Variants in SLC16A2 observed in about 807,000 individuals in gnomAD.
The protein encoded by SLC16A2 is monocarboxylate transporter 8.
Under a neutral mutation model 27.2 loss-of-function variants are expected in SLC16A2, and 3 were observed. That is an observed-to-expected ratio of 0.11 (90% confidence interval 0.05 to 0.28). The LOEUF (loss-of-function observed/expected upper bound fraction) is 0.28. Among genes scored for constraint, SLC16A2 ranks in the 10% least tolerant of loss-of-function variants. The pLI is 1.00. For missense variants in SLC16A2, 295 were observed against 458.5 expected, an observed-to-expected ratio of 0.64 and a Z score of 3.26; for synonymous variants, 202 against 187.8, an observed-to-expected ratio of 1.08 and a Z score of -0.62.
rs191961455 is a variant in SLC16A2, at chrX:74,441,049, G to A, written c.430+18982G>A. Among the ~76,000 whole-genome samples the A allele has an allele frequency of 5.2e-3, 517 of 99,485 alleles. 2 individuals are homozygous for A. The highest frequency in any genetic ancestry group is 0.018 in the African/African-American group (489 of 26,437). The allele number at this position is 99,485 out of a possible 115,157, so 86.4% of individuals were successfully genotyped here. ...GTGGCGCCATCTCGGCTCACTGCAA[G>A]CTCCGCCTCCTGGATTTTTTTTTTT... is the stretch of plus-strand genomic sequence containing the variant. On this transcript the variant is annotated intron_variant, in intron 1 of 5. Transcript: ENST00000587091.
intron 1 of SLC16A2, among the ~76,000 whole-genome samples, chrX:74,492,392 C>T (rs961791827): frequency 9.0e-6 from 1 of 110,867 alleles, no homozygotes; most frequent in Non-Finnish European, 1.9e-5. Context: ...CTGTCATCAC[C>T]GAGGTTATCT....
chrX:74,495,171 T>C (rs1022561150), intron 1 of SLC16A2, among the ~76,000 whole-genome samples: 1 of 111,972 alleles, frequency 8.9e-6, no homozygotes, highest in Non-Finnish European at 1.9e-5. Context: ...GAGTGCTGAC[T>C]GCCCGAGTGA....
intron 1 of SLC16A2, among the ~76,000 whole-genome samples, chrX:74,448,892 A>G (rs1353909569): frequency 1.8e-5 from 2 of 110,586 alleles, no homozygotes; most frequent in Non-Finnish European, 3.8e-5. Context: ...AATGCCTCAA[A>G]TGTCAGTTAC....
In SLC16A2 at chrX:74,490,737, A is replaced by G. The variant is rs772568752; in HGVS notation, c.431-30253A>G. Among the ~76,000 whole-genome samples, 15 of 111,654 alleles carry G rather than the reference A, an allele frequency of 1.3e-4. No homozygotes were observed. The East Asian group carries it at 3.9e-3, about 29-fold the overall frequency. ...TTTCTCTTCAGAGCTAAGGAAACAC[A>G]GTTTCTCATTTACCTATAAAAACAA... On this transcript the variant is annotated intron_variant, in intron 1 of 5. Transcript: ENST00000587091.
intron 1 of SLC16A2, among the ~76,000 whole-genome samples, chrX:74,460,162 G>C (rs1393659171): frequency 1.8e-5 from 2 of 112,024 alleles, no homozygotes; most frequent in Non-Finnish European, 3.8e-5. Flanking sequence ...CCAACTACGG[G>C]GAGCATAATT....
chrX:74,480,446 C>T, intron 1 of SLC16A2, among the ~76,000 whole-genome samples: 1 of 112,608 alleles, frequency 8.9e-6, no homozygotes, highest in Non-Finnish European at 1.9e-5. Context: ...GAGGCAAAGC[C>T]TCGCCCGGCT....
At chrX:74,520,861 C>T in intron 1 of SLC16A2, 129 bp from the exon 2 acceptor site, 1 of 703,182 alleles carries the variant, frequency 1.4e-6, no homozygotes, top group Non-Finnish European at 2.3e-6. Flanking sequence ...ACATCAGGGA[C>T]TAGCAAGCTG....
chrX:74,485,216 C>CAAA (rs762055288), intron 1 of SLC16A2, among the ~76,000 whole-genome samples: 22 of 37,349 alleles, frequency 5.9e-4, no homozygotes, highest in African/African-American at 1.8e-3. Flanking sequence ...AATGCCATCT[C>CAAA]AAAAAAAAAA....
chrX:74,449,044 A>G (rs1041946123), intron 1 of SLC16A2, among the ~76,000 whole-genome samples: 18 of 110,897 alleles, frequency 1.6e-4, no homozygotes, highest in African/African-American at 5.9e-4. Flanking sequence ...TGGAGCCAGG[A>G]TAGGAAGTAG....
chrX:74,434,877 G>A (rs1206362218), intron 1 of SLC16A2, among the ~76,000 whole-genome samples: 2 of 104,253 alleles, frequency 1.9e-5, no homozygotes, highest in African/African-American at 3.6e-5. Flanking sequence ...GTGCAGTGGC[G>A]CGATCTCGGC....
At chrX:74,435,555 T>TA (rs1182486741) in intron 1 of SLC16A2, among the ~76,000 whole-genome samples, 29 of 32,946 alleles carry the variant, frequency 8.8e-4, no homozygotes, top group Non-Finnish European at 1.0e-3. Context: ...ATATATATAT[T>TA]TTTTTTTTTT....
chrX:74,479,767 TGGGTATCA>T (rs1049575131), intron 1 of SLC16A2, among the ~76,000 whole-genome samples: 1 of 112,018 alleles, frequency 8.9e-6, no homozygotes, highest in African/African-American at 3.2e-5. Context: ...CCTGTTTGCC[TGGGTATCA>T]GCAGCAGAGG....
intron 1 of SLC16A2, among the ~76,000 whole-genome samples, chrX:74,452,846 C>T (rs1442187893): frequency 9.0e-6 from 1 of 111,032 alleles, no homozygotes; most frequent in East Asian, 2.8e-4. Flanking sequence ...ATAGCCTACT[C>T]AGAGCAGAGG....
chrX:74,525,804 G>T lies in SLC16A2; in HGVS notation c.1081G>T (p.Val361Leu). 8.3e-7 allele frequency: 1 copy of T among 1,211,330 alleles called. No individual in the cohort carries two copies. Among genetic ancestry groups the T allele is most frequent in the Non-Finnish European group, 1.1e-6 (1 of 895,057 alleles). ...SEIKETWVLL[V>L]CIGATSGLGR... ...AATCAAGGAGACCTGGGTGCTCTTG[G>T]TGTGTATTGGGGCTACCTCAGGCCT... Residue 361 changes from valine to leucine, a missense_variant, in exon 4 of 6, where the codon GTG becomes TTG. By Grantham distance (32) the Val-to-Leu change is conservative. Transcript: ENST00000587091.
intron 3 of SLC16A2, 107 bp from the exon 4 acceptor site, chrX:74,525,643 C>A: frequency 1.0e-6 from 1 of 958,215 alleles, no homozygotes; most frequent in East Asian, 3.1e-5. Flanking sequence ...GGTTTCTGTC[C>A]TGCTCCAGGA....
intron 1 of SLC16A2, among the ~76,000 whole-genome samples, chrX:74,485,072 C>T (rs938944292): frequency 1.8e-5 from 2 of 110,178 alleles, no homozygotes; most frequent in Non-Finnish European, 3.8e-5. Context: ...CAAAACTATC[C>T]GGGCGTGGGG....
chrX:74,528,964 C>A (rs1309089619), intron 4 of SLC16A2, among the ~76,000 whole-genome samples: 1 of 111,762 alleles, frequency 8.9e-6, no homozygotes, highest in Non-Finnish European at 1.9e-5. Flanking sequence ...GGCCAAGTAT[C>A]CCCCAACTTT....
intron 1 of SLC16A2, among the ~76,000 whole-genome samples, chrX:74,519,688 C>A (rs1363596031): frequency 1.2e-5 from 1 of 83,664 alleles, no homozygotes; most frequent in African/African-American, 4.3e-5. Flanking sequence ...TGCATTCCAG[C>A]CTGGGTGACA....
chrX:74,448,109 G>A (rs1175308647), intron 1 of SLC16A2, among the ~76,000 whole-genome samples: 1 of 111,256 alleles, frequency 9.0e-6, no homozygotes, highest in Non-Finnish European at 1.9e-5. Flanking sequence ...CCATCCCAAC[G>A]GTTCCCAACC....
Sources: allele counts gnomAD v4.1 joint callset (sites outside exome capture counted in the v4.1 genomes callset), GRCh38; gene constraint gnomAD v4.1.1; transcripts MANE v1.5; gene names NCBI Gene and HGNC (gene_info 2026-07-23, HGNC 2026-07-21).